FANCM: variants seen among roughly 807,000 people sequenced by gnomAD.
FANCM encodes FA complementation group M.
Under a neutral mutation model 199.5 loss-of-function variants are expected in FANCM, and 140 were observed. That is an observed-to-expected ratio of 0.70 (90% confidence interval 0.61 to 0.81). The LOEUF (loss-of-function observed/expected upper bound fraction) is 0.81, where lower values mean the gene tolerates loss of function less well. Among genes scored for constraint, FANCM ranks in the 30% least tolerant of loss-of-function variants. The probability of loss-of-function intolerance (pLI) is 0.00; values close to 1 mark genes in which losing one functional copy is unlikely to be tolerated. For missense variants in FANCM, 2,410 were observed against 2,421.4 expected, an observed-to-expected ratio of 1.00 and a Z score of 0.10; for synonymous variants, 840 against 836.8, an observed-to-expected ratio of 1.00 and a Z score of -0.07.
At chr14:45,138,309 G>A (rs1306984302) in intron 2 of FANCM, among the ~76,000 whole-genome samples, 1 of 152,074 alleles carries the variant, frequency 6.6e-6, no homozygotes, top group Non-Finnish European at 1.5e-5. Flanking sequence ...TTAGGGCAAA[G>A]ACATGAATTT....
intron 18 of FANCM, among the ~76,000 whole-genome samples, chr14:45,187,341 T>A (rs560932939): frequency 5.6e-4 from 85 of 152,178 alleles, no homozygotes; most frequent in African/African-American, 1.9e-3. Flanking sequence ...GTTTCCCAGG[T>A]TTTGCTTAAC....
At chr14:45,171,701 G>A (rs989984520) in intron 12 of FANCM, among the ~76,000 whole-genome samples, 2 of 126,922 alleles carry the variant, frequency 1.6e-5, no homozygotes, top group Non-Finnish European at 3.7e-5. Flanking sequence ...TTGTGTGTGT[G>A]TGTGTGTGTG....
At chr14:45,147,917 G>C (rs1350858336) in intron 3 of FANCM, among the ~76,000 whole-genome samples, 2 of 140,210 alleles carry the variant, frequency 1.4e-5, no homozygotes, top group African/African-American at 5.6e-5. Context: ...CAAAAAAAAA[G>C]CCGGGCGTGA....
At position 45,153,911 on chromosome 14, in the gene FANCM, T is replaced by A; in HGVS notation, c.1051-9T>A. 2 of 1,609,146 alleles carry A rather than the reference T, an allele frequency of 1.2e-6. No homozygotes were observed. Among genetic ancestry groups the A allele is most frequent in the Non-Finnish European group, 1.7e-6 (2 of 1,175,654 alleles). On this transcript the variant is annotated splice_polypyrimidine_tract_variant and intron_variant, in intron 5 of 22. Coordinates refer to ENST00000267430, the MANE Select transcript of FANCM (RefSeq NM_020937.4). ...CTCTGGTTAAATTTGACATATGCTG[T>A]TTTTCTAGGGAATACAACAAGGCAT...
chr14:45,180,191 C>A (rs1208217625), intron 14 of FANCM, among the ~76,000 whole-genome samples: 1 of 152,132 alleles, frequency 6.6e-6, no homozygotes, highest in Non-Finnish European at 1.5e-5. Flanking sequence ...AAATAACAGA[C>A]CCTTGTTACC....
chr14:45,187,693 T>G (rs1889491491), intron 18 of FANCM, 88 bp from the exon 19 acceptor site: 1 of 664,604 alleles, frequency 1.5e-6, no homozygotes, highest in Non-Finnish European at 2.7e-6. Flanking sequence ...TTGAATCAAG[T>G]AAATTTGAAA....
chr14:45,145,357 C>G lies in FANCM; in HGVS notation c.760-3480C>G, dbSNP rs78613236. 3.5e-3 allele frequency among the ~76,000 whole-genome samples: 538 copies of G among 152,100 alleles called. 5 individuals are homozygous for G. The highest frequency in any genetic ancestry group is 0.012 in the African/African-American group (509 of 41,492). Reference sequence around the variant, plus strand: ...CTGGTGTCTCACTAGGTCACGTGCCCCCCATGTTCATCGTCTCCAGAGCAT... The same window carrying G: ...CTGGTGTCTCACTAGGTCACGTGCCGCCCATGTTCATCGTCTCCAGAGCAT... On this transcript the variant is annotated intron_variant, in intron 3 of 22. Coordinates refer to ENST00000267430, the MANE Select transcript of FANCM (RefSeq NM_020937.4).
rs755241883 is a variant in FANCM at position 45,175,450 on chromosome 14, G to A, written c.2696G>A (p.Arg899Lys). 52 of 1,599,894 alleles carry A rather than the reference G, an allele frequency of 3.3e-5. 1 individual carries two copies. The East Asian group carries it at 1.2e-3, about 36-fold the overall frequency. Residue 899 changes from arginine to lysine, a missense_variant, in exon 14 of 23, where the codon AGG becomes AAG. Coordinates refer to ENST00000267430, the MANE Select transcript of FANCM (RefSeq NM_020937.4). ...IFQEDLPNDK[R>K]TSDTDEIAAT... is the part of the protein sequence containing the mutation. ...CAAGAAGACCTACCAAATGATAAAA[G>A]GACATCAGATACAGATGAAATTGCT...
chr14:45,175,504 T>C lies in FANCM; in HGVS notation c.2750T>C (p.Ile917Thr), dbSNP rs753772148. 2.5e-6 allele frequency: 4 copies of C among 1,612,850 alleles called. No homozygotes were observed. Among genetic ancestry groups the C allele is most frequent in the Non-Finnish European group, 3.4e-6 (4 of 1,179,312 alleles). The change falls in exon 14 of 23, where the codon ATT becomes ACT. Residue 917 changes from isoleucine (I) to threonine (T), a missense_variant. By Grantham distance (89) the Ile-to-Thr change is moderately conservative. Transcript: ENST00000267430. ...AATCTINENV[I>T]KEPCVLLTEC... is the part of the protein sequence containing the mutation. ...ACATGTACTATTAATGAAAATGTTA[T>C]TAAAGAACCGTGTGTGTTATTAACA...
chr14:45,143,965 T>G (rs1168586305), intron 3 of FANCM, among the ~76,000 whole-genome samples: 1 of 152,152 alleles, frequency 6.6e-6, no homozygotes, highest in Non-Finnish European at 1.5e-5. Context: ...GTGCTGGGAT[T>G]ACAGGCGTGA....
intron 20 of FANCM, among the ~76,000 whole-genome samples, chr14:45,189,811 A>G (rs1661554363): frequency 6.6e-6 from 1 of 152,026 alleles, no homozygotes; most frequent in Non-Finnish European, 1.5e-5. Context: ...TCTACTAAAA[A>G]CACAAAATCA....
rs1385082858 is a variant in FANCM at position 45,200,755 on chromosome 14, CACTCTGCAG to C, written c.*748_*756del. The C allele has an allele frequency of 1.3e-5, 2 of 152,150 alleles. No homozygotes were observed. The highest frequency in any genetic ancestry group is 1.3e-4 in the Admixed American group (2 of 15,270). 9.4% of individuals were successfully genotyped at this position (152,150 alleles called of 1,614,324 possible). ...TGGTTTTATAAGCTTTTCCTCTGTT[CACTCTGCAG>C]TTCTCTTGCCTACTGCCATGTGGAA... On this transcript the variant is annotated 3_prime_UTR_variant, in exon 23 of 23. Transcript: ENST00000267430.
chr14:45,172,394 A>G (rs1390449392), intron 12 of FANCM, among the ~76,000 whole-genome samples: 1 of 152,194 alleles, frequency 6.6e-6, no homozygotes, highest in African/African-American at 2.4e-5. Context: ...TCTTAGAGGT[A>G]GGGCTTCGAT....
chr14:45,136,544 C>T lies in FANCM; in HGVS notation c.508+5C>T. 2 of 1,612,818 alleles carry T rather than the reference C, an allele frequency of 1.2e-6. No homozygotes were observed. Among genetic ancestry groups the T allele is most frequent in the Non-Finnish European group, 1.7e-6 (2 of 1,179,860 alleles). On this transcript the variant is annotated splice_donor_5th_base_variant and intron_variant, in intron 1 of 22. Transcript: ENST00000267430. ...CCCACATGGCCGAAATGACAGGTAT[C>T]TTAGACTGGACTAATTTTGAAGTAA... is the stretch of plus-strand genomic sequence containing the variant.
chr14:45,167,288 T>C, intron 11 of FANCM, 125 bp downstream of exon 11: 1 of 699,874 alleles, frequency 1.4e-6, no homozygotes, highest in Non-Finnish European at 2.6e-6. Context: ...TTATAGGCAT[T>C]CTCTTTGGAA....
At position 45,167,009 on chromosome 14, in the gene FANCM, G is replaced by T. The variant is rs766847120; in HGVS notation, c.1848G>T (p.Arg616Ser). 1.2e-6 allele frequency: 2 copies of T among 1,610,574 alleles called. No individual in the cohort carries two copies. Among genetic ancestry groups the T allele is most frequent in the East Asian group, 2.2e-5 (1 of 44,842 alleles). Residue 616 changes from arginine to serine, a missense_variant, in exon 11 of 23, where the codon AGG (arginine) becomes AGT (serine). Arg to Ser is a moderately radical substitution (Grantham distance 110). Transcript: ENST00000267430. Reference protein sequence around the residue: ...RSIYKAISSNRQVLHFYQRSP... With the variant: ...RSIYKAISSNSQVLHFYQRSP... ...TATATAAAGCTATTTCAAGTAACAGGCAGGTCCTTCATTTTTACCAAAGAA... is the reference window on the plus strand; with the variant it reads ...TATATAAAGCTATTTCAAGTAACAGTCAGGTCCTTCATTTTTACCAAAGAA...
In FANCM at chr14:45,173,469, C is replaced by G. The variant is rs112104103; in HGVS notation, c.2316+259C>G. Among the ~76,000 whole-genome samples the G allele has an allele frequency of 7.3e-3, 1,117 of 152,150 alleles. 24 individuals are homozygous for G. The highest frequency in any genetic ancestry group is 0.026 in the African/African-American group (1,061 of 41,508). Reference sequence around the variant, plus strand: ...ATGATTTATGTAAACTGTTTGTAAACCTTATTTAGGATTCTTTTGGATTCG... The same window carrying G: ...ATGATTTATGTAAACTGTTTGTAAAGCTTATTTAGGATTCTTTTGGATTCG... On this transcript the variant is annotated intron_variant, in intron 13 of 22. Transcript: ENST00000267430.
chr14:45,185,373 G>A lies in FANCM; in HGVS notation c.4672G>A (p.Asp1558Asn). The change falls in exon 18 of 23, where the codon GAT becomes AAT. Residue 1558 changes from aspartate to asparagine, a missense_variant and splice_region_variant. Asp to Asn is a conservative substitution (Grantham distance 23). Coordinates refer to ENST00000267430, the MANE Select transcript of FANCM (RefSeq NM_020937.4). ...DETQLSQAIN[D>N]SEMRAIYMKS... The stretch of plus-strand genomic sequence containing the variant: ...AACTCAACTTTCACAGGCTATAAAT[G>A]GTAAATGTTATAATGATCCTTAAAA... 6.4e-7 allele frequency: 1 copy of A among 1,554,654 alleles called. No individual in the cohort carries two copies. The highest frequency in any genetic ancestry group is 8.8e-7 in the Non-Finnish European group (1 of 1,136,478).
intron 19 of FANCM, among the ~76,000 whole-genome samples, chr14:45,188,149 G>A (rs1249713859): frequency 2.0e-5 from 3 of 152,136 alleles, no homozygotes; most frequent in Non-Finnish European, 2.9e-5. Context: ...GACCAGCCTG[G>A]CCAACATGGT....
Sources: allele counts gnomAD v4.1 joint callset (sites outside exome capture counted in the v4.1 genomes callset), GRCh38; gene constraint gnomAD v4.1.1; transcripts MANE v1.5; gene names NCBI Gene and HGNC (gene_info 2026-07-23, HGNC 2026-07-21).